The following RAD18 variants were observed in gnomAD, a reference collection of about 807,000 sequenced individuals.
RAD18 encodes RAD18 E3 ubiquitin protein ligase.
RAD18 carries 47 observed loss-of-function variants against 60.4 expected under a neutral mutation model. The observed-to-expected ratio is 0.78, with a 90% CI of 0.62 to 0.99. The LOEUF is 0.99. Among genes scored for constraint, RAD18 ranks in the 50% least tolerant of loss-of-function variants. The pLI, the probability that RAD18 is intolerant of heterozygous loss-of-function variation, is 0.00. For missense variants in RAD18, 640 were observed against 593.3 expected (o/e 1.08, Z -0.82); for synonymous variants, 225 against 195.5 (o/e 1.15, Z -1.26).
chr3:8,912,833 C>T (rs1940126112), intron 8 of RAD18, among the ~76,000 whole-genome samples: 1 of 152,000 alleles, frequency 6.6e-6, no homozygotes, highest in African/African-American at 2.4e-5. Context: ...GTAAGTTAAG[C>T]CTCTAGGTCC....
chr3:8,909,086 G>T (rs1940063019), intron 9 of RAD18, among the ~76,000 whole-genome samples: 1 of 152,168 alleles, frequency 6.6e-6, no homozygotes, highest in African/African-American at 2.4e-5. Context: ...GGCAATTAGA[G>T]AAAGAGATAG....
At chr3:8,897,111 G>A (rs1253696397) in intron 11 of RAD18, among the ~76,000 whole-genome samples, 1 of 152,070 alleles carries the variant, frequency 6.6e-6, no homozygotes, top group East Asian at 1.9e-4. Context: ...TAATGCAAAG[G>A]AAATTCTTTT....
chr3:8,896,813 A>G (rs1205398391), intron 11 of RAD18, among the ~76,000 whole-genome samples: 3 of 152,194 alleles, frequency 2.0e-5, no homozygotes, highest in Non-Finnish European at 4.4e-5. Flanking sequence ...CAGAAATACT[A>G]TCATTTGCTA....
intron 12 of RAD18, among the ~76,000 whole-genome samples, chr3:8,887,516 T>C (rs1416528207): frequency 1.3e-5 from 2 of 152,210 alleles, no homozygotes; most frequent in Admixed American, 1.3e-4. Context: ...TCTATTTTCA[T>C]TCTGTTCAAT....
chr3:8,890,733 G>A (rs1939670440), intron 11 of RAD18, among the ~76,000 whole-genome samples: 1 of 152,074 alleles, frequency 6.6e-6, no homozygotes, highest in African/African-American at 2.4e-5. Flanking sequence ...GAGATTCCCT[G>A]CCACCCCTAC....
chr3:8,945,728 CG>C (rs1346942695), intron 4 of RAD18, among the ~76,000 whole-genome samples: 9 of 151,838 alleles, frequency 5.9e-5, no homozygotes, highest in African/African-American at 1.9e-4. Flanking sequence ...CCTCGGCCTC[CG>C]AAAGTGCTGG....
chr3:8,934,498 A>G (rs1284800357), intron 7 of RAD18, among the ~76,000 whole-genome samples: 5 of 152,236 alleles, frequency 3.3e-5, no homozygotes, highest in Admixed American at 3.3e-4. Context: ...TATAAAATTT[A>G]TAAGTCATTA....
chr3:8,915,522 A>G (rs1344690230), intron 7 of RAD18, among the ~76,000 whole-genome samples: 1 of 152,068 alleles, frequency 6.6e-6, no homozygotes, highest in Non-Finnish European at 1.5e-5. Flanking sequence ...GCTACCATGA[A>G]AATATAAAAA....
chr3:8,952,262 TA>T (rs1414734365), intron 2 of RAD18, among the ~76,000 whole-genome samples: 2 of 152,184 alleles, frequency 1.3e-5, no homozygotes, highest in Non-Finnish European at 2.9e-5. Context: ...AAATATCACC[TA>T]AATCAGATAT....
At chr3:8,934,852 C>A (rs958240757) in intron 7 of RAD18, among the ~76,000 whole-genome samples, 1 of 152,002 alleles carries the variant, frequency 6.6e-6, no homozygotes, top group Non-Finnish European at 1.5e-5. Flanking sequence ...TAAGATGATA[C>A]GTTTATACAA....
chr3:8,911,144 G>C (rs1940098138), intron 9 of RAD18, among the ~76,000 whole-genome samples: 2 of 152,160 alleles, frequency 1.3e-5, no homozygotes, highest in South Asian at 4.1e-4. Context: ...TGAAGCACTT[G>C]ACTTTTGAGG....
chr3:8,958,898 C>T, intron 2 of RAD18, 22 bp downstream of exon 2: 1 of 1,592,486 alleles, frequency 6.3e-7, no homozygotes, highest in South Asian at 1.1e-5. Context: ...TTTACTAACT[C>T]ACAGGAACAA....
At chr3:8,962,101 T>C (rs1392983558) in intron 1 of RAD18, among the ~76,000 whole-genome samples, 1 of 152,224 alleles carries the variant, frequency 6.6e-6, no homozygotes, top group African/African-American at 2.4e-5. Context: ...GTAAGCACAG[T>C]GAATACACAG....
chr3:8,939,139 A>G (rs1940701637), intron 6 of RAD18, among the ~76,000 whole-genome samples: 1 of 152,072 alleles, frequency 6.6e-6, no homozygotes, highest in African/African-American at 2.4e-5. Context: ...TGAAAAATTC[A>G]ATTTTAAATT....
chr3:8,941,464 T>C lies in RAD18; in HGVS notation c.604+3A>G. 1 of 1,582,966 alleles carries C rather than the reference T, an allele frequency of 6.3e-7. No individual in the cohort carries two copies. On this transcript the variant is annotated splice_donor_region_variant and intron_variant, in intron 5 of 12. Coordinates refer to ENST00000264926, the MANE Select transcript of RAD18 (RefSeq NM_020165.4). ...ATTTCCACATATGAAAATAACTTCC[T>C]ACCTTTAGTAACTTGTTTCAAAGTG...
intron 2 of RAD18, among the ~76,000 whole-genome samples, chr3:8,957,105 A>G (rs1383422922): frequency 6.6e-6 from 1 of 152,258 alleles, no homozygotes; most frequent in Non-Finnish European, 1.5e-5. Context: ...TGCAGTCAGA[A>G]GACGAAAGGT....
intron 6 of RAD18, among the ~76,000 whole-genome samples, chr3:8,938,411 G>A (rs1269115606): frequency 6.6e-6 from 1 of 152,078 alleles, no homozygotes; most frequent in African/African-American, 2.4e-5. Context: ...ATAATACTAT[G>A]GCTCTGTCTT....
chr3:8,929,092 A>T (rs768227581), intron 7 of RAD18, among the ~76,000 whole-genome samples: 3 of 152,168 alleles, frequency 2.0e-5, no homozygotes, highest in Non-Finnish European at 2.9e-5. Context: ...GAATAGAGGT[A>T]AAATAGCACT....
intron 9 of RAD18, among the ~76,000 whole-genome samples, chr3:8,908,076 T>C (rs564894301): frequency 1.6e-4 from 24 of 152,290 alleles, no homozygotes; most frequent in African/African-American, 5.3e-4. Flanking sequence ...AAATGTGGAA[T>C]TGTTGGATCC....
Sources: allele counts gnomAD v4.1 joint callset (sites outside exome capture counted in the v4.1 genomes callset), GRCh38; gene constraint gnomAD v4.1.1; transcripts MANE v1.5; gene names NCBI Gene and HGNC (gene_info 2026-07-23, HGNC 2026-07-21).